The following DCC variants were observed in gnomAD, a reference collection of about 807,000 sequenced individuals.
DCC encodes the protein netrin receptor DCC.
Under a neutral mutation model 172.5 loss-of-function variants are expected in DCC, and 58 were observed. The observed-to-expected ratio is 0.34, with a 90% CI of 0.27 to 0.42. The LOEUF is 0.42. DCC is among the 10% of genes least tolerant of loss of function. DCC has a pLI of 1.00. For synonymous variants in DCC, 709 were observed against 644.5 expected (o/e 1.10, Z -1.52); for missense variants, 1,740 against 1,791.0 (o/e 0.97, Z 0.51).
chr18:52,543,506 A>G (rs1224551836), intron 1 of DCC, among the ~76,000 whole-genome samples: 2 of 152,204 alleles, frequency 1.3e-5, no homozygotes, highest in East Asian at 3.8e-4. Flanking sequence ...GTAATTCAAG[A>G]AAGTATTCTT....
At chr18:52,830,370 T>TA (rs2038591478) in intron 2 of DCC, among the ~76,000 whole-genome samples, 1 of 152,168 alleles carries the variant, frequency 6.6e-6, no homozygotes, top group Admixed American at 6.5e-5. Flanking sequence ...TGTGTTCCAA[T>TA]GAAGCCAAAA....
At chr18:53,515,936 T>C (rs943191741) in intron 27 of DCC, among the ~76,000 whole-genome samples, 13 of 151,908 alleles carry the variant, frequency 8.6e-5, no homozygotes, top group Non-Finnish European at 1.5e-5. Context: ...CTTCACAGAA[T>C]TGGAAAAATC....
intron 5 of DCC, among the ~76,000 whole-genome samples, chr18:53,028,933 G>GT (rs1199299998): frequency 6.6e-6 from 1 of 152,034 alleles, no homozygotes; most frequent in Non-Finnish European, 1.5e-5. Flanking sequence ...AAGTTTCCCA[G>GT]TTTTTTCTTT....
At chr18:52,868,425 G>A (rs1296352026) in intron 2 of DCC, among the ~76,000 whole-genome samples, 1 of 152,104 alleles carries the variant, frequency 6.6e-6, no homozygotes, top group African/African-American at 2.4e-5. Context: ...TATGCGTGTA[G>A]CATCTCTGAT....
At chr18:53,053,452 T>C (rs1250403731) in intron 5 of DCC, among the ~76,000 whole-genome samples, 1 of 152,204 alleles carries the variant, frequency 6.6e-6, no homozygotes, top group Non-Finnish European at 1.5e-5. Context: ...GGATTTACTT[T>C]TTATTTCATT....
intron 7 of DCC, among the ~76,000 whole-genome samples, chr18:53,115,871 T>C (rs2043401461): frequency 6.6e-6 from 1 of 151,688 alleles, no homozygotes; most frequent in African/African-American, 2.4e-5. Flanking sequence ...CTTACTATAC[T>C]GTATTCTGTG....
In DCC at chr18:52,689,862, C is replaced by G. The variant is rs368285227; in HGVS notation, c.92-62192C>G. Among the ~76,000 whole-genome samples, 153 of 152,224 alleles carry G rather than the reference C, an allele frequency of 1.0e-3. 4 individuals are homozygous for G. In the South Asian group the frequency reaches 0.031, roughly 30 times the overall value. On this transcript the variant is annotated intron_variant, in intron 1 of 28. Transcript: ENST00000442544. Reference sequence around the variant, plus strand: ...TTGGATAGTAGAAAAGTTACTTTCTCTTAGCTGCAGACTCACATAAATGCT... The same window carrying G: ...TTGGATAGTAGAAAAGTTACTTTCTGTTAGCTGCAGACTCACATAAATGCT...
At chr18:53,249,880 C>T (rs2056408104) in intron 12 of DCC, among the ~76,000 whole-genome samples, 1 of 151,854 alleles carries the variant, frequency 6.6e-6, no homozygotes, top group Non-Finnish European at 1.5e-5. Flanking sequence ...TAATGTAATG[C>T]CTTCCAGGTA....
intron 1 of DCC, among the ~76,000 whole-genome samples, chr18:52,742,158 A>G (rs1435705534): frequency 6.6e-6 from 1 of 152,126 alleles, no homozygotes; most frequent in East Asian, 1.9e-4. Flanking sequence ...CCCAGCTTCT[A>G]AGTCTGTGGG....
intron 1 of DCC, among the ~76,000 whole-genome samples, chr18:52,464,542 A>T (rs1310235208): frequency 1.3e-5 from 2 of 152,192 alleles, no homozygotes; most frequent in East Asian, 1.9e-4. Flanking sequence ...AGCAACGCAA[A>T]GCGGTGATTT....
chr18:52,873,615 G>C (rs2039357086), intron 2 of DCC, among the ~76,000 whole-genome samples: 1 of 152,192 alleles, frequency 6.6e-6, no homozygotes, highest in African/African-American at 2.4e-5. Flanking sequence ...AGAACGCTGT[G>C]ATTCACCAAG....
chr18:53,247,162 C>T (rs1443234251), intron 12 of DCC, among the ~76,000 whole-genome samples: 1 of 151,994 alleles, frequency 6.6e-6, no homozygotes, highest in East Asian at 1.9e-4. Context: ...CCTTAGATTA[C>T]TTAAAAATTG....
intron 1 of DCC, among the ~76,000 whole-genome samples, chr18:52,374,583 A>G (rs1183933910): frequency 1.3e-5 from 2 of 152,214 alleles, no homozygotes; most frequent in East Asian, 3.9e-4. Flanking sequence ...ATCTAAGAAC[A>G]CAGATAGGGC....
At position 53,013,648 on chromosome 18, in the gene DCC, C is replaced by A. The variant is rs113956550; in HGVS notation, c.986-49657C>A. ...AGGTGCAGCAAACCACCATGACACA[C>A]GTATACTTGTGTAACAAACTTGCAC... is the stretch of plus-strand genomic sequence containing the variant. On this transcript the variant is annotated intron_variant, in intron 5 of 28. Coordinates refer to ENST00000442544, the MANE Select transcript of DCC (RefSeq NM_005215.4). Among the ~76,000 whole-genome samples the A allele has an allele frequency of 2.0e-5, 3 of 150,748 alleles. No homozygotes were observed. The East Asian group carries it at 5.9e-4, about 30-fold the overall frequency.
chr18:52,778,974 G>C (rs2037483506), intron 2 of DCC, among the ~76,000 whole-genome samples: 1 of 152,104 alleles, frequency 6.6e-6, no homozygotes, highest in African/African-American at 2.4e-5. Context: ...GACATATCAA[G>C]AGTCCATTAA....
intron 12 of DCC, among the ~76,000 whole-genome samples, chr18:53,295,919 G>T (rs2144759390): frequency 6.6e-6 from 1 of 152,222 alleles, no homozygotes; most frequent in East Asian, 1.9e-4. Context: ...ATATATATGG[G>T]ATTTTTTATT....
chr18:52,819,380 T>C (rs1034845388), intron 2 of DCC, among the ~76,000 whole-genome samples: 2 of 152,238 alleles, frequency 1.3e-5, no homozygotes, highest in African/African-American at 4.8e-5. Context: ...AGTTTTGTTG[T>C]CTACAACTTC....
intron 1 of DCC, among the ~76,000 whole-genome samples, chr18:52,653,774 G>T (rs190495336): frequency 3.3e-5 from 5 of 152,118 alleles, no homozygotes; most frequent in East Asian, 1.9e-4. Context: ...TTAGACAAAG[G>T]GTGCTGATTA....
At chr18:53,091,367 A>G (rs2144180907) in intron 7 of DCC, among the ~76,000 whole-genome samples, 1 of 147,764 alleles carries the variant, frequency 6.8e-6, no homozygotes, top group East Asian at 1.9e-4. Flanking sequence ...ATATACTAAT[A>G]TATATAAATA....
Sources: gnomAD v4.1 joint callset for allele counts (sites outside exome capture counted in the v4.1 genomes callset) on GRCh38, gnomAD v4.1.1 for gene constraint, MANE v1.5 for transcripts, NCBI Gene and HGNC (gene_info 2026-07-23, HGNC 2026-07-21) for gene names.